Variants in PKHD1L1 observed in about 807,000 individuals in gnomAD.
The protein encoded by PKHD1L1 is PKHD1 like 1, also known as fibrocystin-L.
In PKHD1L1, 434 loss-of-function variants were observed where a neutral mutation model predicts 462.9. That is an observed-to-expected ratio of 0.94 (90% CI 0.87 to 1.02). The LOEUF is 1.02. Ranked by LOEUF, PKHD1L1 falls within the 50% of genes least tolerant of loss-of-function variation. The pLI, the probability that PKHD1L1 is intolerant of heterozygous loss-of-function variation, is 0.00. For synonymous variants in PKHD1L1, 1,781 were observed against 1,750.0 expected, an observed-to-expected ratio of 1.02 and a Z score of -0.44; for missense variants, 5,202 against 5,096.1, an observed-to-expected ratio of 1.02 and a Z score of -0.63.
intron 6 of PKHD1L1, among the ~76,000 whole-genome samples, chr8:109,385,991 G>A (rs1586404987): frequency 6.6e-6 from 1 of 152,074 alleles, no homozygotes; most frequent in African/African-American, 2.4e-5. Flanking sequence ...AAAAACACCT[G>A]AGGCCTAGAG....
chr8:109,400,106 A>G lies in PKHD1L1; in HGVS notation c.1043A>G (p.Asn348Ser). The G allele has an allele frequency of 6.2e-7, 1 of 1,613,434 alleles. No homozygotes were observed. The highest frequency in any genetic ancestry group is 1.3e-5 in the African/African-American group (1 of 75,008). ...GGRGLKLEVW[N>S]NSRPIRLEEI... ...AGAGGCCTGAAGCTTGAGGTGTGGA[A>G]TAATAGCCGTCCAATACGTTTGGAA... is the stretch of plus-strand genomic sequence containing the variant. The change falls in exon 13 of 78, where the codon AAT (asparagine) becomes AGT (serine). Residue 348 changes from asparagine to serine, a missense_variant. Asn to Ser is a conservative substitution (Grantham distance 46). This residue lies in a region of PKHD1L1 where 4,497 missense variants were observed against 4,336.8 expected (regional missense o/e 1.04). Coordinates refer to ENST00000378402, the MANE Select transcript of PKHD1L1 (RefSeq NM_177531.6).
chr8:109,487,890 G>A (rs202186481), intron 59 of PKHD1L1, among the ~76,000 whole-genome samples: 1 of 69,296 alleles, frequency 1.4e-5, no homozygotes, highest in African/African-American at 5.9e-5. Context: ...GAGAGAGAGA[G>A]AGGAAGGAAG....
rs765898025 is a variant in PKHD1L1, at chr8:109,401,555, G to A, written c.1340G>A (p.Arg447Lys). 3 of 1,589,970 alleles carry A rather than the reference G, an allele frequency of 1.9e-6. No individual in the cohort carries two copies. The African/African-American group carries it at 4.0e-5, about 21-fold the overall frequency. ...ANSYFSSPTQ[R>K]SDDIHLQKGK... ...AGTTATTTTTCCAGTCCAACACAAAGATCAGATGATATTCATCTGCAGAAA... is the reference window on the plus strand; with the variant it reads ...AGTTATTTTTCCAGTCCAACACAAAAATCAGATGATATTCATCTGCAGAAA... Residue 447 changes from arginine to lysine, a missense_variant, in exon 14 of 78, where the codon AGA becomes AAA. By Grantham distance (26) the Arg-to-Lys change is conservative (BLOSUM62 2). Coordinates refer to ENST00000378402, the MANE Select transcript of PKHD1L1 (RefSeq NM_177531.6).
chr8:109,525,563 A>C (rs1301476001), intron 76 of PKHD1L1, among the ~76,000 whole-genome samples: 2 of 152,118 alleles, frequency 1.3e-5, no homozygotes, highest in Non-Finnish European at 2.9e-5. Flanking sequence ...GATTGAGGTC[A>C]TATCTCTATG....
At position 109,449,463 on chromosome 8, in the gene PKHD1L1, T is replaced by C. The variant is rs1563556941; in HGVS notation, c.6151T>C (p.Leu2051=). ...GCTTAGATCTGATTACACAACACTA[T>C]TATGTGAAATTCCATCTAATAATGG... is the stretch of plus-strand genomic sequence containing the variant. ...DRLRSDYTTL[L]CEIPSNNGTG... is the part of the protein sequence containing the mutation. The change falls in exon 40 of 78, where the codon TTA becomes CTA. Residue 2051 remains leucine (L), a synonymous_variant. Transcript: ENST00000378402. The C allele has an allele frequency of 1.3e-6, 2 of 1,597,820 alleles. No individual in the cohort carries two copies. Among genetic ancestry groups the C allele is most frequent in the South Asian group, 2.3e-5 (2 of 87,412 alleles).
chr8:109,491,875 A>C lies in PKHD1L1; in HGVS notation c.10117A>C (p.Ile3373Leu), dbSNP rs2130922027. 6.3e-7 allele frequency: 1 copy of C among 1,596,608 alleles called. No individual in the cohort carries two copies. Among genetic ancestry groups the C allele is most frequent in the East Asian group, 2.2e-5 (1 of 44,714 alleles). The change falls in exon 62 of 78, where the codon ATA becomes CTA. Residue 3373 changes from isoleucine to leucine, a missense_variant and splice_region_variant. Around this residue, in one of 3 missense-constraint regions of PKHD1L1, gnomAD observed 4,497 missense variants for 4,336.8 expected, o/e 1.04. Transcript: ENST00000378402. ...NIIHFTVGEGIRIWGNANRVR... is the reference protein window; with the variant it reads ...NIIHFTVGEGLRIWGNANRVR... Reference sequence around the variant, plus strand: ...TCTTTTTTTCTTTTTTTAAACAGGCATAAGAATATGGGGGAATGCCAACCG... The same window carrying C: ...TCTTTTTTTCTTTTTTTAAACAGGCCTAAGAATATGGGGGAATGCCAACCG...
chr8:109,385,015 A>T (rs1586402383), intron 5 of PKHD1L1, among the ~76,000 whole-genome samples: 1 of 151,866 alleles, frequency 6.6e-6, no homozygotes, highest in African/African-American at 2.4e-5. Flanking sequence ...CATGTTAATG[A>T]TTTTTCTGTC....
At chr8:109,422,592 G>A (rs1312918366) in intron 23 of PKHD1L1, among the ~76,000 whole-genome samples, 1 of 152,034 alleles carries the variant, frequency 6.6e-6, no homozygotes, top group East Asian at 1.9e-4. Context: ...TTACTGTTAT[G>A]GATGTACCAG....
chr8:109,508,686 T>C (rs185795510), intron 70 of PKHD1L1, among the ~76,000 whole-genome samples: 22 of 152,310 alleles, frequency 1.4e-4, no homozygotes, highest in Non-Finnish European at 2.5e-4. Context: ...ACAAGCAGTA[T>C]TCTCAGCCTG....
chr8:109,430,427 A>C (rs1306547905), intron 27 of PKHD1L1, among the ~76,000 whole-genome samples: 1 of 152,160 alleles, frequency 6.6e-6, no homozygotes, highest in Non-Finnish European at 1.5e-5. Flanking sequence ...TAGGAGAGTT[A>C]GTATTAAAAG....
chr8:109,523,384 C>A lies in PKHD1L1; in HGVS notation c.12482C>A (p.Thr4161Lys). ...ANYTDLTPLR[T>K]GKNYKIEFIL... Reference sequence around the variant, plus strand: ...TACACAGACCTTACTCCCCTTAGAACAGGTGGGTGCACTATTTTGGATCCT... The same window carrying A: ...TACACAGACCTTACTCCCCTTAGAAAAGGTGGGTGCACTATTTTGGATCCT... The change falls in exon 76 of 78, where the codon ACA becomes AAA. Residue 4161 changes from threonine to lysine, a missense_variant and splice_region_variant. By Grantham distance (78) the Thr-to-Lys change is moderately conservative. Transcript: ENST00000378402. The A allele has an allele frequency of 6.2e-7, 1 of 1,609,520 alleles. No homozygotes were observed. Among genetic ancestry groups the A allele is most frequent in the Admixed American group, 1.7e-5 (1 of 59,608 alleles).
In PKHD1L1 at chr8:109,429,449, G is replaced by A. The variant is rs1393927064; in HGVS notation, c.3110G>A (p.Ser1037Asn). ...CTTGGAGACCTACTTCGTACACCCA[G>A]TCAACAGCCACAGGTATTTTTGAAA... ...HVLGDLLRTP[S>N]QQPQVEVYVN... is the part of the protein sequence containing the mutation. Residue 1037 changes from serine (S) to asparagine (N), a missense_variant, in exon 26 of 78, where the codon AGT (serine) becomes AAT (asparagine). By Grantham distance (46) the Ser-to-Asn change is conservative. Transcript: ENST00000378402. 2.5e-6 allele frequency: 4 copies of A among 1,607,886 alleles called. No homozygotes were observed. Among genetic ancestry groups the A allele is most frequent in the Non-Finnish European group, 3.4e-6 (4 of 1,176,816 alleles).
chr8:109,470,420 A>G, intron 50 of PKHD1L1: 1 of 1,598,136 alleles, frequency 6.3e-7, no homozygotes, highest in Non-Finnish European at 8.6e-7. Context: ...GAAAAAACTG[A>G]TAAGAAAGGC....
intron 2 of PKHD1L1, among the ~76,000 whole-genome samples, chr8:109,379,091 C>T (rs1312764236): frequency 6.6e-6 from 1 of 152,138 alleles, no homozygotes; most frequent in Non-Finnish European, 1.5e-5. Flanking sequence ...TTCACCCAGA[C>T]TAAACAACCT....
At chr8:109,408,616 AT>A (rs1813684798) in intron 18 of PKHD1L1, among the ~76,000 whole-genome samples, 1 of 152,222 alleles carries the variant, frequency 6.6e-6, no homozygotes, top group Admixed American at 6.6e-5. Flanking sequence ...CTATTATTTT[AT>A]TGATGTATTT....
intron 33 of PKHD1L1, 46 bp from the exon 34 acceptor site, chr8:109,441,229 A>G (rs752228728): frequency 7.6e-7 from 1 of 1,312,476 alleles, no homozygotes; most frequent in Non-Finnish European, 1.0e-6. Context: ...AAAAAATTTG[A>G]CAAAATGTTT....
Position 109,443,832 on chromosome 8 carries a change from C to T in PKHD1L1, c.4721C>T (p.Ser1574Phe), listed in dbSNP as rs1815957675. 6.2e-7 allele frequency: 1 copy of T among 1,613,694 alleles called. No homozygotes were observed. The highest frequency in any genetic ancestry group is 1.7e-5 in the Admixed American group (1 of 59,978). ...CCATCTATAAGCAACATTACTCCGT[C>T]CACTGGAACAGTAAATGAACTAATA... ...FSPSISNITPSTGTVNELITI... is the reference protein window; with the variant it reads ...FSPSISNITPFTGTVNELITI... The change falls in exon 37 of 78, where the codon TCC (serine) becomes TTC (phenylalanine). Residue 1574 changes from serine (S) to phenylalanine (F), a missense_variant. This residue lies in a region of PKHD1L1 where 4,497 missense variants were observed against 4,336.8 expected (regional missense o/e 1.04). Transcript: ENST00000378402.
rs117142260 is a variant in PKHD1L1, at chr8:109,488,035, A to G, written c.9880+1214A>G. Among the ~76,000 whole-genome samples, 1,283 of 151,992 alleles carry G rather than the reference A, an allele frequency of 8.4e-3. 11 individuals are homozygous for G. Among genetic ancestry groups the G allele is most frequent in the South Asian group, 0.023 (112 of 4,810 alleles). On this transcript the variant is annotated intron_variant, in intron 59 of 77. Coordinates refer to ENST00000378402, the MANE Select transcript of PKHD1L1 (RefSeq NM_177531.6). Reference sequence around the variant, plus strand: ...ATAATGTATGATTGTTTCTCTTCTTACAATGTTAATAGCTACTAATTAACA... The same window carrying G: ...ATAATGTATGATTGTTTCTCTTCTTGCAATGTTAATAGCTACTAATTAACA...
At chr8:109,427,517 A>G (rs993358156) in intron 25 of PKHD1L1, among the ~76,000 whole-genome samples, 7 of 152,128 alleles carry the variant, frequency 4.6e-5, no homozygotes, top group Non-Finnish European at 8.8e-5. Flanking sequence ...AATCAGCCTC[A>G]CTATCATTCT....
Sources: gnomAD v4.1 joint callset for allele counts (sites outside exome capture counted in the v4.1 genomes callset) on GRCh38, gnomAD v4.1.1 for gene constraint, gnomAD v4.1.1 regional missense constraint, MANE v1.5 for transcripts, NCBI Gene and HGNC (gene_info 2026-07-23, HGNC 2026-07-21) for gene names.